AFG3L2: variants seen among roughly 807,000 people sequenced by gnomAD.
AFG3L2 encodes AFG3 like matrix AAA peptidase subunit 2.
In AFG3L2, 54 loss-of-function variants were observed where a neutral mutation model predicts 94.5. The ratio of observed to expected loss-of-function variants is 0.57; its 90% CI spans 0.46 to 0.72. AFG3L2 has a LOEUF of 0.72. Among genes scored for constraint, AFG3L2 ranks in the 30% least tolerant of loss-of-function variants. The pLI is 0.00. For missense variants in AFG3L2, 754 were observed against 994.9 expected (o/e 0.76, Z 3.26); for synonymous variants, 377 against 365.5 (o/e 1.03, Z -0.36).
chr18:12,359,332 A>G (rs1033652423), intron 7 of AFG3L2, among the ~76,000 whole-genome samples: 1 of 152,220 alleles, frequency 6.6e-6, no homozygotes, highest in African/African-American at 2.4e-5. Flanking sequence ...CTTTATGCTA[A>G]AATCCTACCA....
At chr18:12,350,359 C>T (rs1196267559) in intron 12 of AFG3L2, among the ~76,000 whole-genome samples, 1 of 152,042 alleles carries the variant, frequency 6.6e-6, no homozygotes, top group African/African-American at 2.4e-5. Context: ...TGTAAATATA[C>T]TAGAAACCAT....
At chr18:12,361,005 T>C (rs552866707) in intron 6 of AFG3L2, among the ~76,000 whole-genome samples, 2 of 152,216 alleles carry the variant, frequency 1.3e-5, no homozygotes, top group Admixed American at 1.3e-4. Context: ...CAAAAAAACT[T>C]TGTTTCTCCT....
intron 16 of AFG3L2, among the ~76,000 whole-genome samples, chr18:12,332,707 G>A (rs1369888974): frequency 1.3e-5 from 2 of 148,652 alleles, no homozygotes; most frequent in Admixed American, 1.4e-4. Context: ...ATCTCTAAAA[G>A]ATTAGGATTG....
chr18:12,340,170 G>A lies in AFG3L2; in HGVS notation c.1980+31C>T, dbSNP rs1009513076. 6 of 1,572,352 alleles carry A rather than the reference G, an allele frequency of 3.8e-6. No individual in the cohort carries two copies. The Admixed American group carries it at 5.0e-5, about 13-fold the overall frequency. On this transcript the variant is annotated intron_variant, in intron 15 of 16. Coordinates refer to ENST00000269143, the MANE Select transcript of AFG3L2 (RefSeq NM_006796.3). ...ATTTCTCGTGCAAATATGAATACATGAGGAGGAAATGCACTCTTTCATATA... is the reference window on the plus strand; with the variant it reads ...ATTTCTCGTGCAAATATGAATACATAAGGAGGAAATGCACTCTTTCATATA...
chr18:12,331,560 T>C (rs1310851851), intron 16 of AFG3L2, among the ~76,000 whole-genome samples: 4 of 152,122 alleles, frequency 2.6e-5, no homozygotes, highest in African/African-American at 9.7e-5. Context: ...CCCAGCACTT[T>C]GGGGCGGCGG....
chr18:12,333,289 T>C lies in AFG3L2; in HGVS notation c.2176-3506A>G, dbSNP rs377051494. 3.4e-4 allele frequency among the ~76,000 whole-genome samples: 44 copies of C among 130,482 alleles called. 1 individual carries two copies. Among genetic ancestry groups the C allele is most frequent in the East Asian group, 3.1e-3 (15 of 4,894 alleles). 85.6% of individuals were successfully genotyped at this position (130,482 alleles called of 152,430 possible). On this transcript the variant is annotated intron_variant, in intron 16 of 16. Coordinates refer to ENST00000269143, the MANE Select transcript of AFG3L2 (RefSeq NM_006796.3). ...TATTATAAATATAGATTATATATAA[T>C]ATATAAATATATATTATATATTATA...
intron 9 of AFG3L2, among the ~76,000 whole-genome samples, chr18:12,355,588 C>A (rs900907192): frequency 6.5e-4 from 99 of 152,174 alleles, no homozygotes; most frequent in Non-Finnish European, 8.8e-4. Flanking sequence ...CATAAAAAAA[C>A]CACATATTGT....
chr18:12,340,339 G>A lies in AFG3L2; in HGVS notation c.1842C>T (p.Tyr614=). 2 of 1,614,104 alleles carry A rather than the reference G, an allele frequency of 1.2e-6. No individual in the cohort carries two copies. The highest frequency in any genetic ancestry group is 1.7e-6 in the Non-Finnish European group (2 of 1,179,980). ...GYAQYLPKEQ[Y]LYTKEQLLDR... The stretch of plus-strand genomic sequence containing the variant: ...CCAAGAGCTGCTCTTTGGTATAGAG[G>A]TATTGTTCTTTTGGTAAATACTGAG... The change falls in exon 15 of 17, where the codon TAC becomes TAT. Residue 614 remains tyrosine (Y), a synonymous_variant. Transcript: ENST00000269143.
At chr18:12,346,508 A>AT (rs1337412633) in intron 13 of AFG3L2, among the ~76,000 whole-genome samples, 1 of 152,114 alleles carries the variant, frequency 6.6e-6, no homozygotes, top group Admixed American at 6.5e-5. Flanking sequence ...CTCCCCCCTG[A>AT]TAAGCTGTGG....
rs775822188 is a variant in AFG3L2 at position 12,340,201 on chromosome 18, T to C, written c.1980A>G (p.Gln660=). 2 of 1,611,626 alleles carry C rather than the reference T, an allele frequency of 1.2e-6. No individual in the cohort carries two copies. The highest frequency in any genetic ancestry group is 1.3e-5 in the African/African-American group (1 of 74,900). The part of the protein sequence containing the change: ...LRKVTQSAYA[Q]IVQFGMNEKV... ...GAAATGCACTCTTTCATATACTCAC[T>C]TGGGCATATGCACTCTGAGTTACTT... Residue 660 remains glutamine, a splice_region_variant and synonymous_variant, in exon 15 of 17, where the codon CAA becomes CAG. Transcript: ENST00000269143.
chr18:12,367,066 C>A lies in AFG3L2; in HGVS notation c.451G>T (p.Ala151Ser). 6.2e-7 allele frequency: 1 copy of A among 1,614,214 alleles called. No homozygotes were observed. Residue 151 changes from alanine to serine, a missense_variant, in exon 5 of 17, where the codon GCT (alanine) becomes TCT (serine). Transcript: ENST00000269143. ...KDFRMFFLWT[A>S]LFWGGVMFYL... ...AACATGACTCCACCCCAGAACAGAG[C>A]AGTCCAGAGGAAGAACATCCTGAAA...
intron 3 of AFG3L2, among the ~76,000 whole-genome samples, chr18:12,368,804 T>G (rs1198765716): frequency 6.6e-6 from 1 of 152,174 alleles, no homozygotes; most frequent in Non-Finnish European, 1.5e-5. Flanking sequence ...TTTCATCATG[T>G]TGGCCAGGCT....
At chr18:12,333,158 AAT>A (rs1423326863) in intron 16 of AFG3L2, among the ~76,000 whole-genome samples, 18 of 31,014 alleles carry the variant, frequency 5.8e-4, no homozygotes, top group African/African-American at 1.5e-3. Flanking sequence ...ATAATAATCT[AAT>A]ATATATAATA....
At chr18:12,360,631 A>G (rs1908630963) in intron 6 of AFG3L2, among the ~76,000 whole-genome samples, 1 of 152,178 alleles carries the variant, frequency 6.6e-6, no homozygotes, top group South Asian at 2.1e-4. Context: ...CTCCCTCTTT[A>G]TTCTCTAGAG....
chr18:12,344,313 A>C (rs1012169446), intron 13 of AFG3L2, 66 bp from the exon 14 acceptor site: 97 of 1,242,450 alleles, frequency 7.8e-5, no homozygotes, highest in Non-Finnish European at 1.1e-4. Context: ...AAAGACAGTT[A>C]TACAGTGCTA....
chr18:12,349,811 C>T (rs1026678279), intron 12 of AFG3L2, among the ~76,000 whole-genome samples: 3 of 151,600 alleles, frequency 2.0e-5, no homozygotes, highest in African/African-American at 7.3e-5. Context: ...ACAGCACCCC[C>T]ACCACCACGC....
At chr18:12,346,846 G>C (rs1908152839) in intron 13 of AFG3L2, among the ~76,000 whole-genome samples, 1 of 136,562 alleles carries the variant, frequency 7.3e-6, no homozygotes, top group African/African-American at 2.8e-5. Context: ...GGAGGTTGCA[G>C]TGAGCCAAGA....
chr18:12,359,556 T>C (rs927994477), intron 7 of AFG3L2, among the ~76,000 whole-genome samples: 5 of 152,024 alleles, frequency 3.3e-5, no homozygotes, highest in East Asian at 1.9e-4. Context: ...CTGGCCAACA[T>C]AGTGAATCCC....
chr18:12,361,504 C>A (rs1222834609), intron 6 of AFG3L2, among the ~76,000 whole-genome samples: 1 of 151,822 alleles, frequency 6.6e-6, no homozygotes, highest in Non-Finnish European at 1.5e-5. Flanking sequence ...AAAAATTAGC[C>A]AGGCATGGTG....
Sources: allele counts gnomAD v4.1 joint callset (sites outside exome capture counted in the v4.1 genomes callset), GRCh38; gene constraint gnomAD v4.1.1; transcripts MANE v1.5; gene names NCBI Gene and HGNC (gene_info 2026-07-23, HGNC 2026-07-21).